The following DNAAF9 variants were observed in gnomAD, a reference collection of about 807,000 sequenced individuals.
DNAAF9 encodes dynein axonemal assembly factor 9.
DNAAF9 carries 90 observed loss-of-function variants against 167.0 expected under a neutral mutation model. The ratio of observed to expected loss-of-function variants is 0.54; its 90% confidence interval spans 0.45 to 0.64. The LOEUF is 0.64. Ranked by LOEUF, DNAAF9 falls within the 30% of genes least tolerant of loss-of-function variation. The probability of loss-of-function intolerance (pLI) is 0.00; values close to 1 mark genes in which losing one functional copy is unlikely to be tolerated. For missense variants in DNAAF9, 1,315 were observed against 1,442.2 expected, an observed-to-expected ratio of 0.91 and a Z score of 1.43; for synonymous variants, 491 against 508.8, an observed-to-expected ratio of 0.96 and a Z score of 0.47.
chr20:3,407,455 G>A lies in DNAAF9; in HGVS notation c.83+20C>T, dbSNP rs1244904119. The A allele has an allele frequency of 1.5e-6, 2 of 1,301,888 alleles. No individual in the cohort carries two copies. Among genetic ancestry groups the A allele is most frequent in the Non-Finnish European group, 1.9e-6 (2 of 1,027,750 alleles). The allele number at this position is 1,301,888 out of a possible 1,614,324, so 80.6% of individuals were successfully genotyped here. On this transcript the variant is annotated intron_variant, in intron 1 of 36. Transcript: ENST00000252032. ...GCATCCCCCGCCCGGCCGCCCCTCGGCTGCCTCTGCCCCGCGTACCTGACG... is the reference window on the plus strand; with the variant it reads ...GCATCCCCCGCCCGGCCGCCCCTCGACTGCCTCTGCCCCGCGTACCTGACG...
rs142987322 is a variant in DNAAF9, at chr20:3,390,088, T to C, written c.84-7582A>G. 9.0e-3 allele frequency among the ~76,000 whole-genome samples: 1,371 copies of C among 151,944 alleles called. 20 individuals carry two copies. Among genetic ancestry groups the C allele is most frequent in the African/African-American group, 0.032 (1,316 of 41,456 alleles). On this transcript the variant is annotated intron_variant, in intron 1 of 36. Coordinates refer to ENST00000252032, the MANE Select transcript of DNAAF9 (RefSeq NM_001009984.3). ...ACATCTGTGAGACATCTGAGAAAAC[T>C]TGAATATGGACTATGTATTTGATAC...
At chr20:3,385,867 T>C (rs2083728058) in intron 1 of DNAAF9, among the ~76,000 whole-genome samples, 1 of 152,170 alleles carries the variant, frequency 6.6e-6, no homozygotes, top group South Asian at 2.1e-4. Flanking sequence ...AAATAAATAG[T>C]AAGACATACC....
chr20:3,290,787 C>CT lies in DNAAF9; in HGVS notation c.2239-571dup, dbSNP rs548143543. 3.6e-3 allele frequency among the ~76,000 whole-genome samples: 482 copies of CT among 135,288 alleles called. 2 individuals carry two copies. Among genetic ancestry groups the CT allele is most frequent in the Non-Finnish European group, 4.7e-3 (294 of 62,988 alleles). 88.8% of individuals were successfully genotyped at this position (135,288 alleles called of 152,430 possible). A position where few individuals can be genotyped will look rare whatever the true frequency, so the allele number is the denominator to read the frequency against. ...CCAAGTCACACGGTCAGGGCTAAGT[C>CT]TTTTTTTTTTTTTTTTTTTGAGATG... On this transcript the variant is annotated intron_variant, in intron 25 of 36. Transcript: ENST00000252032.
At chr20:3,373,733 A>G (rs924958848) in intron 6 of DNAAF9, among the ~76,000 whole-genome samples, 2 of 152,210 alleles carry the variant, frequency 1.3e-5, no homozygotes, top group African/African-American at 4.8e-5. Flanking sequence ...CAAATGTGTA[A>G]TAACAGGATC....
At chr20:3,391,154 C>T (rs576322369) in intron 1 of DNAAF9, among the ~76,000 whole-genome samples, 10 of 152,294 alleles carry the variant, frequency 6.6e-5, no homozygotes, top group Middle Eastern at 3.4e-3. Flanking sequence ...AAACACTGTC[C>T]TAATTAGTGT....
At chr20:3,319,625 G>A (rs567218889) in intron 16 of DNAAF9, among the ~76,000 whole-genome samples, 27 of 152,146 alleles carry the variant, frequency 1.8e-4, no homozygotes, top group Admixed American at 8.5e-4. Context: ...ACATATTGTC[G>A]TCCTAGCCTG....
chr20:3,407,625 C>A lies in DNAAF9; in HGVS notation c.-68G>T. Reference sequence around the variant, plus strand: ...AGGGTCTCAGTTGCCCGCAGGGCGGCTCCACGCTAGCTGCGGCCGGGCGGG... The same window carrying A: ...AGGGTCTCAGTTGCCCGCAGGGCGGATCCACGCTAGCTGCGGCCGGGCGGG... On this transcript the variant is annotated 5_prime_UTR_variant, in exon 1 of 37. Coordinates refer to ENST00000252032, the MANE Select transcript of DNAAF9 (RefSeq NM_001009984.3). 8.4e-7 allele frequency: 1 copy of A among 1,191,800 alleles called. No individual in the cohort carries two copies. Among genetic ancestry groups the A allele is most frequent in the Non-Finnish European group, 1.0e-6 (1 of 962,262 alleles). 73.8% of individuals were successfully genotyped at this position (1,191,800 alleles called of 1,614,324 possible).
chr20:3,259,733 GA>G (rs2068347123), intron 32 of DNAAF9, among the ~76,000 whole-genome samples, 179 bp from the exon 33 acceptor site: 1 of 152,220 alleles, frequency 6.6e-6, no homozygotes, highest in African/African-American at 2.4e-5. Flanking sequence ...CCAGGGGAGG[GA>G]AAACCCTTTC....
chr20:3,307,464 C>G (rs532726296), intron 20 of DNAAF9, among the ~76,000 whole-genome samples: 1 of 152,168 alleles, frequency 6.6e-6, no homozygotes, highest in Non-Finnish European at 1.5e-5. Flanking sequence ...GAAGCAATAA[C>G]CCTTCTGGTA....
rs759430492 is a variant in DNAAF9, at chr20:3,375,061, A to G, written c.474T>C (p.Cys158=). The G allele has an allele frequency of 3.1e-6, 5 of 1,610,002 alleles. No individual in the cohort carries two copies. The East Asian group carries it at 6.7e-5, about 22-fold the overall frequency. The change falls in exon 5 of 37, where the codon TGT becomes TGC. Residue 158 remains cysteine, a synonymous_variant. Transcript: ENST00000252032. ...AGCTGTAAGGAATGCCAATTCTACT[A>G]CAGTCTCGAACCATGTCCACAAAGC... The part of the protein sequence containing the change: ...ITSFVDMVRD[C]SRIGIPYSSQ...
At chr20:3,335,752 C>T (rs1163183245) in intron 10 of DNAAF9, among the ~76,000 whole-genome samples, 17 of 94,938 alleles carry the variant, frequency 1.8e-4, no homozygotes, top group Non-Finnish European at 2.8e-4. Flanking sequence ...AGCAAAACTC[C>T]GTCTCAAAAA....
chr20:3,396,443 A>G (rs2083908139), intron 1 of DNAAF9, among the ~76,000 whole-genome samples: 1 of 152,188 alleles, frequency 6.6e-6, no homozygotes, highest in African/African-American at 2.4e-5. Flanking sequence ...CAATAAATGA[A>G]AGGACAAAAA....
chr20:3,258,944 T>C (rs2068329993), intron 33 of DNAAF9, among the ~76,000 whole-genome samples: 1 of 152,220 alleles, frequency 6.6e-6, no homozygotes, highest in Non-Finnish European at 1.5e-5. Flanking sequence ...ATACTGTACC[T>C]TTCCTCAACA....
At chr20:3,296,813 C>A in intron 23 of DNAAF9, 48 bp downstream of exon 23, 1 of 1,217,128 alleles carries the variant, frequency 8.2e-7, no homozygotes, top group Non-Finnish European at 1.2e-6. Context: ...AGAGAGCACA[C>A]CCACAAAGCC....
chr20:3,286,308 T>C (rs985373499), intron 27 of DNAAF9, among the ~76,000 whole-genome samples: 1 of 152,206 alleles, frequency 6.6e-6, no homozygotes, highest in East Asian at 1.9e-4. Context: ...ACTGTCACTG[T>C]AGTCCAGAAG....
chr20:3,359,420 A>G, intron 7 of DNAAF9, 96 bp downstream of exon 7: 1 of 854,204 alleles, frequency 1.2e-6, no homozygotes, highest in South Asian at 1.6e-5. Context: ...GAAGCAAACT[A>G]AAATATCCTT....
intron 1 of DNAAF9, among the ~76,000 whole-genome samples, chr20:3,389,320 AT>A (rs372837132): frequency 7.7e-4 from 107 of 138,586 alleles, no homozygotes; most frequent in Middle Eastern, 3.7e-3. Flanking sequence ...TAATTTTTCT[AT>A]TTTTTTTTTT....
At chr20:3,386,277 G>A (rs1275171199) in intron 1 of DNAAF9, among the ~76,000 whole-genome samples, 1 of 152,176 alleles carries the variant, frequency 6.6e-6, no homozygotes, top group African/African-American at 2.4e-5. Flanking sequence ...CTGGCTAAGG[G>A]ACAGACACAT....
intron 1 of DNAAF9, among the ~76,000 whole-genome samples, chr20:3,387,716 C>T (rs752780254): frequency 3.3e-5 from 5 of 151,408 alleles, no homozygotes; most frequent in African/African-American, 1.2e-4. Context: ...ATCTATATAA[C>T]TCAACAACCA....
Sources: allele counts gnomAD v4.1 joint callset (sites outside exome capture counted in the v4.1 genomes callset), GRCh38; gene constraint gnomAD v4.1.1; transcripts MANE v1.5; gene names NCBI Gene and HGNC (gene_info 2026-07-23, HGNC 2026-07-21).